The following TNFSF15 variants were observed in gnomAD, a reference collection of about 807,000 sequenced individuals.
TNFSF15 encodes the protein tumor necrosis factor ligand superfamily member 15.
In TNFSF15, 15 loss-of-function variants were observed where a neutral mutation model predicts 26.4. The observed-to-expected ratio is 0.57, with a 90% CI of 0.38 to 0.87. The LOEUF is 0.87. TNFSF15 is among the 40% of genes least tolerant of loss of function. The pLI is 0.00. For missense variants in TNFSF15, 290 were observed against 306.1 expected, an observed-to-expected ratio of 0.95 and a Z score of 0.39; for synonymous variants, 116 against 115.0, an observed-to-expected ratio of 1.01 and a Z score of -0.06.
chr9:114,803,857 G>T (rs1420294130), intron 1 of TNFSF15, among the ~76,000 whole-genome samples: 24 of 152,228 alleles, frequency 1.6e-4, no homozygotes, highest in Admixed American at 1.6e-3. Flanking sequence ...TTCATGCCAA[G>T]GCATGGTTGC....
chr9:114,798,631 G>T (rs1829702567), intron 1 of TNFSF15, among the ~76,000 whole-genome samples: 1 of 152,120 alleles, frequency 6.6e-6, no homozygotes, highest in Non-Finnish European at 1.5e-5. Flanking sequence ...ACGAAAAGAG[G>T]TCAAGCAACT....
chr9:114,799,390 T>C (rs567242545), intron 1 of TNFSF15, among the ~76,000 whole-genome samples: 9 of 152,342 alleles, frequency 5.9e-5, no homozygotes, highest in Middle Eastern at 3.4e-3. Context: ...TTGTTGGTTC[T>C]GCACATCCTC....
At chr9:114,796,299 T>C (rs1829671371) in intron 1 of TNFSF15, among the ~76,000 whole-genome samples, 2 of 152,206 alleles carry the variant, frequency 1.3e-5, no homozygotes, top group African/African-American at 4.8e-5. Flanking sequence ...GAGGGCTTTT[T>C]CTAAAGCATC....
At chr9:114,802,890 T>A (rs770954308) in intron 1 of TNFSF15, among the ~76,000 whole-genome samples, 1 of 152,170 alleles carries the variant, frequency 6.6e-6, no homozygotes, top group African/African-American at 2.4e-5. Context: ...CAGTTTCAAA[T>A]TGTGGCTCTG....
Position 114,792,558 on chromosome 9 carries a change from A to C in TNFSF15, c.254-104T>G, listed in dbSNP as rs139324037. 8.8e-4 allele frequency: 1,392 copies of C among 1,577,464 alleles called. 13 individuals are homozygous for C. In the African/African-American group the frequency reaches 0.016, roughly 18 times the overall value. On this transcript the variant is annotated intron_variant, in intron 2 of 3. Coordinates refer to ENST00000374045, the MANE Select transcript of TNFSF15 (RefSeq NM_005118.4). ...CGCCTATGATAGGAGAGAAACCTTGATCTCCTCCAGCTTGGTCCAGTGCCA... is the reference window on the plus strand; with the variant it reads ...CGCCTATGATAGGAGAGAAACCTTGCTCTCCTCCAGCTTGGTCCAGTGCCA...
At chr9:114,800,223 T>C (rs916878183) in intron 1 of TNFSF15, among the ~76,000 whole-genome samples, 11 of 152,146 alleles carry the variant, frequency 7.2e-5, no homozygotes, top group South Asian at 2.1e-4. Context: ...CATAGTGCTA[T>C]ATAGAAAGCG....
chr9:114,804,411 C>T (rs1332696127), intron 1 of TNFSF15, among the ~76,000 whole-genome samples: 11 of 152,164 alleles, frequency 7.2e-5, no homozygotes, highest in Non-Finnish European at 1.2e-4. Context: ...AGGCAGTCCT[C>T]GCCTTCTGCT....
chr9:114,796,467 C>T (rs968810809), intron 1 of TNFSF15, among the ~76,000 whole-genome samples: 1 of 152,182 alleles, frequency 6.6e-6, no homozygotes, highest in African/African-American at 2.4e-5. Context: ...GTGTTCCCAG[C>T]CATGAGAGGC....
Position 114,785,103 on chromosome 9 carries a change from CAG to C in TNFSF15, c.*5347_*5348del, listed in dbSNP as rs1416995045. 1 of 152,248 alleles carries C rather than the reference CAG, an allele frequency of 6.6e-6. No individual in the cohort carries two copies. Among genetic ancestry groups the C allele is most frequent in the African/African-American group, 2.4e-5 (1 of 41,458 alleles). 9.4% of individuals were successfully genotyped at this position (152,248 alleles called of 1,614,324 possible). On this transcript the variant is annotated 3_prime_UTR_variant, in exon 4 of 4. Coordinates refer to ENST00000374045, the MANE Select transcript of TNFSF15 (RefSeq NM_005118.4). ...TATCCAGGCAAGTGCTGCCACGTGA[CAG>C]ATGCTCAAAACAAAAATGATTTACG... is the stretch of plus-strand genomic sequence containing the variant.
At chr9:114,800,663 T>G (rs1829734300) in intron 1 of TNFSF15, among the ~76,000 whole-genome samples, 1 of 152,162 alleles carries the variant, frequency 6.6e-6, no homozygotes, top group African/African-American at 2.4e-5. Flanking sequence ...TTAACTGAGG[T>G]GATGCATGTA....
In TNFSF15 at chr9:114,787,861, A is replaced by T. The variant is rs1363719171; in HGVS notation, c.*2591T>A. 6.5e-6 allele frequency: 1 copy of T among 153,786 alleles called. No individual in the cohort carries two copies. The highest frequency in any genetic ancestry group is 1.5e-5 in the Non-Finnish European group (1 of 68,044). The allele number at this position is 153,786 out of a possible 1,614,324, so 9.5% of individuals were successfully genotyped here. ...CTTATGACAGGAGCCAAATAAATGC[A>T]CAGCAGAGAATTTCCCAAAGCCTCA... On this transcript the variant is annotated 3_prime_UTR_variant, in exon 4 of 4. Transcript: ENST00000374045.
rs1292578471 is a variant in TNFSF15, at chr9:114,786,928, A to AG, written c.*3523_*3524insC. The AG allele has an allele frequency of 2.0e-5, 3 of 151,602 alleles. No homozygotes were observed. Among genetic ancestry groups the AG allele is most frequent in the South Asian group, 2.1e-4 (1 of 4,802 alleles). The allele number at this position is 151,602 out of a possible 1,614,324, so 9.4% of individuals were successfully genotyped here. A position where few individuals can be genotyped will look rare whatever the true frequency, so the allele number is the denominator to read the frequency against. ...CTCTGTCTCAAAAAAAAAAAAAAAAAAAAAGAAAAAGAAATTTTAGTAGCA... is the reference window on the plus strand; with the variant it reads ...CTCTGTCTCAAAAAAAAAAAAAAAAAGAAAAGAAAAAGAAATTTTAGTAGCA... On this transcript the variant is annotated 3_prime_UTR_variant, in exon 4 of 4. Transcript: ENST00000374045.
chr9:114,803,137 C>T (rs1007531147), intron 1 of TNFSF15, among the ~76,000 whole-genome samples: 2 of 152,132 alleles, frequency 1.3e-5, no homozygotes, highest in Non-Finnish European at 2.9e-5. Context: ...CCTGAACCAC[C>T]CCTGTCTCTG....
In TNFSF15 at chr9:114,790,733, T is replaced by C. The variant is rs1251829228; in HGVS notation, c.475A>G (p.Thr159Ala). Reference sequence around the variant, plus strand: ...TGTCTGATTTCACTGCACTCAGAGGTCATCCCACGGAATGTGACCTGGGAG... The same window carrying C: ...TGTCTGATTTCACTGCACTCAGAGGCCATCCCACGGAATGTGACCTGGGAG... ...IYSQVTFRGM[T>A]SECSEIRQAG... Residue 159 changes from threonine to alanine, a missense_variant, in exon 4 of 4, where the codon ACC becomes GCC. Coordinates refer to ENST00000374045, the MANE Select transcript of TNFSF15 (RefSeq NM_005118.4). The C allele has an allele frequency of 6.2e-7, 1 of 1,614,062 alleles. No homozygotes were observed. Among genetic ancestry groups the C allele is most frequent in the South Asian group, 1.1e-5 (1 of 91,066 alleles).
Position 114,792,433 on chromosome 9 carries a change from C to A in TNFSF15, c.275G>T (p.Gly92Val). ...QQVYAPLRADGDKPRAHLTVV... is the reference protein window; with the variant it reads ...QQVYAPLRADVDKPRAHLTVV... ...TGTCAGGTGTGCCCTTGGCTTATCT[C>A]CGTCTGCTCTAAGAGGTGCATCTGT... The change falls in exon 3 of 4, where the codon GGA becomes GTA. Residue 92 changes from glycine (G) to valine (V), a missense_variant. By Grantham distance (109) the Gly-to-Val change is moderately radical (BLOSUM62 -3). Coordinates refer to ENST00000374045, the MANE Select transcript of TNFSF15 (RefSeq NM_005118.4). 6.2e-7 allele frequency: 1 copy of A among 1,614,104 alleles called. No individual in the cohort carries two copies. Among genetic ancestry groups the A allele is most frequent in the Non-Finnish European group, 8.5e-7 (1 of 1,179,978 alleles).
intron 1 of TNFSF15, among the ~76,000 whole-genome samples, chr9:114,798,360 C>T (rs927343171): frequency 1.3e-5 from 2 of 151,838 alleles, no homozygotes; most frequent in Admixed American, 1.3e-4. Flanking sequence ...TTTTTCCTCT[C>T]ATTTGATTTT....
intron 1 of TNFSF15, among the ~76,000 whole-genome samples, chr9:114,800,360 A>T (rs1408775367): frequency 6.6e-6 from 1 of 152,094 alleles, no homozygotes; most frequent in Admixed American, 6.5e-5. Flanking sequence ...CCAGGTACAG[A>T]TAGGTGCCCT....
Position 114,805,993 on chromosome 9 carries a change from A to G in TNFSF15, c.20T>C (p.Leu7Pro), listed in dbSNP as rs1357593846. MAEDLG[L>P]SFGETASVEM... ...CACACTGGCTGTTTCCCCAAAGCTC[A>G]GTCCCAGATCCTCGGCCATGCTCCT... The change falls in exon 1 of 4, where the codon CTG (leucine) becomes CCG (proline). Residue 7 changes from leucine (L) to proline (P), a missense_variant. Physicochemically the swap from Leu to Pro is moderately conservative, Grantham distance 98. Around this residue, in one of 3 missense-constraint regions of TNFSF15, gnomAD observed 179 missense variants for 165.9 expected, o/e 1.08. Coordinates refer to ENST00000374045, the MANE Select transcript of TNFSF15 (RefSeq NM_005118.4). 2 of 1,613,778 alleles carry G rather than the reference A, an allele frequency of 1.2e-6. No homozygotes were observed. Among genetic ancestry groups the G allele is most frequent in the Admixed American group, 1.7e-5 (1 of 60,022 alleles).
At chr9:114,801,584 C>T (rs1829748572) in intron 1 of TNFSF15, among the ~76,000 whole-genome samples, 1 of 152,170 alleles carries the variant, frequency 6.6e-6, no homozygotes, top group Non-Finnish European at 1.5e-5. Flanking sequence ...TAATTGTTAA[C>T]ATTTACTAAT....
Sources: gnomAD v4.1 joint callset for allele counts (sites outside exome capture counted in the v4.1 genomes callset) on GRCh38, gnomAD v4.1.1 for gene constraint, gnomAD v4.1.1 regional missense constraint, MANE v1.5 for transcripts, NCBI Gene and HGNC (gene_info 2026-07-23, HGNC 2026-07-21) for gene names.